The following C8orf34 variants were observed in gnomAD, a reference collection of about 807,000 sequenced individuals.
C8orf34 encodes the protein uncharacterized protein C8orf34.
Under a neutral mutation model 68.3 loss-of-function variants are expected in C8orf34, and 65 were observed. That is an observed-to-expected ratio of 0.95 (90% CI 0.78 to 1.17). C8orf34 has a LOEUF of 1.17. Among genes scored for constraint, C8orf34 ranks in the 50% most tolerant of loss-of-function variants. C8orf34 has a pLI of 0.00. For missense variants in C8orf34, 664 were observed against 655.4 expected (o/e 1.01, Z -0.14); for synonymous variants, 244 against 241.2 (o/e 1.01, Z -0.11).
intron 12 of C8orf34, among the ~76,000 whole-genome samples, chr8:68,798,828 C>A (rs1446799187): frequency 1.3e-5 from 2 of 151,976 alleles, no homozygotes; most frequent in Admixed American, 1.3e-4. Flanking sequence ...ATTCCTAAGG[C>A]CCTAGAAAAA....
chr8:68,468,752 T>C lies in C8orf34; in HGVS notation c.668T>C (p.Phe223Ser), dbSNP rs1253849944. 1.2e-6 allele frequency: 2 copies of C among 1,612,752 alleles called. No homozygotes were observed. Among genetic ancestry groups the C allele is most frequent in the Non-Finnish European group, 1.7e-6 (2 of 1,179,172 alleles). The change falls in exon 4 of 14, where the codon TTT (phenylalanine) becomes TCT (serine). Residue 223 changes from phenylalanine to serine, a missense_variant. Coordinates refer to ENST00000518698, the MANE Select transcript of C8orf34 (RefSeq NM_052958.4). The stretch of plus-strand genomic sequence containing the variant: ...AGGACTAAACCACAAAGCCGTGATT[T>C]TGATGAATTGAATCACATCCTTCAG... Reference protein sequence around the residue: ...NWRTKPQSRDFDELNHILQES... With the variant: ...NWRTKPQSRDSDELNHILQES...
At chr8:68,500,852 A>T (rs927245229) in intron 5 of C8orf34, among the ~76,000 whole-genome samples, 7 of 152,168 alleles carry the variant, frequency 4.6e-5, no homozygotes, top group Admixed American at 2.6e-4. Context: ...ATATTAAAAA[A>T]TTTTTAAAAT....
chr8:68,474,172 C>T (rs1221057903), intron 4 of C8orf34, among the ~76,000 whole-genome samples: 1 of 152,170 alleles, frequency 6.6e-6, no homozygotes, highest in Non-Finnish European at 1.5e-5. Context: ...TGTGTTTTTA[C>T]AACATGCCCA....
chr8:68,354,588 T>C (rs772136531), intron 1 of C8orf34, among the ~76,000 whole-genome samples: 1 of 152,114 alleles, frequency 6.6e-6, no homozygotes, highest in Non-Finnish European at 1.5e-5. Context: ...CCTTCCCTGA[T>C]TGACTGCCAG....
chr8:68,614,213 C>T (rs931023527), intron 7 of C8orf34, among the ~76,000 whole-genome samples: 23 of 151,746 alleles, frequency 1.5e-4, no homozygotes, highest in Admixed American at 3.9e-4. Flanking sequence ...GAGTAGGTTG[C>T]GAAAATTTTC....
At chr8:68,382,881 C>A (rs1808102054) in intron 1 of C8orf34, among the ~76,000 whole-genome samples, 1 of 152,128 alleles carries the variant, frequency 6.6e-6, no homozygotes, top group Non-Finnish European at 1.5e-5. Context: ...TATATCATAT[C>A]TTCTGATAGG....
At chr8:68,480,182 C>T (rs1812799338) in intron 4 of C8orf34, among the ~76,000 whole-genome samples, 1 of 152,164 alleles carries the variant, frequency 6.6e-6, no homozygotes, top group Admixed American at 6.5e-5. Context: ...TCACAGGGGC[C>T]AGCTTTTCCT....
chr8:68,335,263 AT>A (rs1358364675), intron 1 of C8orf34, among the ~76,000 whole-genome samples: 17 of 152,348 alleles, frequency 1.1e-4, no homozygotes, highest in African/African-American at 3.6e-4. Flanking sequence ...ATGTTTAAAA[AT>A]AATTTGTCGT....
At chr8:68,492,830 G>T (rs1813372095) in intron 5 of C8orf34, among the ~76,000 whole-genome samples, 1 of 151,034 alleles carries the variant, frequency 6.6e-6, no homozygotes, top group African/African-American at 2.4e-5. Context: ...CATCACAAAT[G>T]ACAGAGTTTT....
chr8:68,555,674 T>C (rs1816229370), intron 7 of C8orf34, among the ~76,000 whole-genome samples: 1 of 152,146 alleles, frequency 6.6e-6, no homozygotes, highest in Non-Finnish European at 1.5e-5. Flanking sequence ...GTATCAATAA[T>C]AATGTATATA....
chr8:68,407,187 A>C (rs1265390126), intron 1 of C8orf34, among the ~76,000 whole-genome samples: 1 of 151,834 alleles, frequency 6.6e-6, no homozygotes, highest in Non-Finnish European at 1.5e-5. Flanking sequence ...ACATTTTCAT[A>C]TACCTGGCTA....
rs1378537018 is a variant in C8orf34 at position 68,336,655 on chromosome 8, G to T, written c.327+5316G>T. Among the ~76,000 whole-genome samples, 4 of 152,264 alleles carry T rather than the reference G, an allele frequency of 2.6e-5. No homozygotes were observed. In the East Asian group the frequency reaches 7.7e-4, roughly 29 times the overall value. Reference sequence around the variant, plus strand: ...TACTTCCCAACTCTGTCTACTGGAAGGGCCTGGGAATAACAACATCCTGGT... The same window carrying T: ...TACTTCCCAACTCTGTCTACTGGAATGGCCTGGGAATAACAACATCCTGGT... On this transcript the variant is annotated intron_variant, in intron 1 of 13. Transcript: ENST00000518698.
chr8:68,656,473 G>A (rs2130795588), intron 8 of C8orf34, among the ~76,000 whole-genome samples: 1 of 152,272 alleles, frequency 6.6e-6, no homozygotes, highest in Admixed American at 6.5e-5. Flanking sequence ...CAGTGCTTCT[G>A]ATAAAAATTC....
intron 10 of C8orf34, among the ~76,000 whole-genome samples, chr8:68,743,801 T>C (rs540015114): frequency 1.3e-5 from 2 of 152,106 alleles, no homozygotes; most frequent in Admixed American, 1.3e-4. Flanking sequence ...GCAGCAAGGC[T>C]GGGGGAGGGG....
At chr8:68,463,608 T>A (rs1811957615) in intron 3 of C8orf34, among the ~76,000 whole-genome samples, 1 of 152,206 alleles carries the variant, frequency 6.6e-6, no homozygotes, top group Admixed American at 6.5e-5. Context: ...CAACTGGGCT[T>A]CATCCCTGGG....
intron 7 of C8orf34, among the ~76,000 whole-genome samples, chr8:68,556,168 CA>C (rs1298988493): frequency 6.7e-6 from 1 of 150,300 alleles, no homozygotes; most frequent in Non-Finnish European, 1.5e-5. Context: ...AAATTATGGC[CA>C]AAAAGTATAT....
At chr8:68,734,926 C>A (rs1220232249) in intron 10 of C8orf34, among the ~76,000 whole-genome samples, 1 of 152,162 alleles carries the variant, frequency 6.6e-6, no homozygotes, top group Non-Finnish European at 1.5e-5. Flanking sequence ...CTCTCCTAGA[C>A]TATATACTTC....
At chr8:68,550,327 A>C (rs1816023465) in intron 7 of C8orf34, among the ~76,000 whole-genome samples, 1 of 151,718 alleles carries the variant, frequency 6.6e-6, no homozygotes, top group African/African-American at 2.4e-5. Context: ...TCCATGTTTA[A>C]ATTATACTAT....
intron 9 of C8orf34, among the ~76,000 whole-genome samples, chr8:68,709,524 C>T (rs936431610): frequency 6.6e-6 from 1 of 152,064 alleles, no homozygotes; most frequent in Non-Finnish European, 1.5e-5. Context: ...TCATACTTGA[C>T]AATATCATAC....
Sources: gnomAD v4.1 joint callset for allele counts (sites outside exome capture counted in the v4.1 genomes callset) on GRCh38, gnomAD v4.1.1 for gene constraint, MANE v1.5 for transcripts, NCBI Gene and HGNC (gene_info 2026-07-23, HGNC 2026-07-21) for gene names.